Variants in ZNF638 observed in about 807,000 individuals in gnomAD.
The protein encoded by ZNF638 is CTCL tumor antigen se33-1.
ZNF638 carries 46 observed loss-of-function variants against 195.6 expected under a neutral mutation model. The observed-to-expected ratio is 0.24, with a 90% CI of 0.19 to 0.30. ZNF638 has a LOEUF of 0.30. Ranked by LOEUF, ZNF638 falls within the 10% of genes least tolerant of loss-of-function variation. ZNF638 has a pLI of 1.00. For synonymous variants in ZNF638, 845 were observed against 772.0 expected, an observed-to-expected ratio of 1.09 and a Z score of -1.57; for missense variants, 2,440 against 2,325.3, an observed-to-expected ratio of 1.05 and a Z score of -1.01.
Position 71,426,622 on chromosome 2 carries a change from A to C in ZNF638, c.4753A>C (p.Lys1585Gln), listed in dbSNP as rs201537411. The C allele has an allele frequency of 2.8e-5, 46 of 1,614,068 alleles. No individual in the cohort carries two copies. The Admixed American group carries it at 4.3e-4, about 15-fold the overall frequency. Reference protein sequence around the residue: ...SELNLKKKKGKTSTPRGVEGE... With the variant: ...SELNLKKKKGQTSTPRGVEGE... Reference sequence around the variant, plus strand: ...ACTTAACTTAAAGAAGAAAAAGGGGAAAACTTCCACTCCTCGTGGTGTTGA... The same window carrying C: ...ACTTAACTTAAAGAAGAAAAAGGGGCAAACTTCCACTCCTCGTGGTGTTGA... The change falls in exon 24 of 28, where the codon AAA becomes CAA. Residue 1585 changes from lysine (K) to glutamine (Q), a missense_variant. Physicochemically the swap from Lys to Gln is moderately conservative, Grantham distance 53. Coordinates refer to ENST00000264447, the MANE Select transcript of ZNF638 (RefSeq NM_014497.5).
intron 10 of ZNF638, among the ~76,000 whole-genome samples, chr2:71,394,734 A>G (rs2079858360): frequency 6.6e-6 from 1 of 152,188 alleles, no homozygotes; most frequent in African/African-American, 2.4e-5. Flanking sequence ...AGCCATAGTC[A>G]TCCTAGCAAC....
intron 8 of ZNF638, among the ~76,000 whole-genome samples, chr2:71,376,676 C>T (rs1573076150): frequency 6.6e-6 from 1 of 151,010 alleles, no homozygotes; most frequent in Admixed American, 6.6e-5. Context: ...AACATCTTCT[C>T]CATTTTGCTG....
rs1366930966 is a variant in ZNF638 at position 71,363,396 on chromosome 2, A to T, written c.1418+205A>T. Among the ~76,000 whole-genome samples, 3 of 152,080 alleles carry T rather than the reference A, an allele frequency of 2.0e-5. No individual in the cohort carries two copies. The East Asian group carries it at 5.8e-4, about 29-fold the overall frequency. On this transcript the variant is annotated intron_variant, in intron 4 of 27. Transcript: ENST00000264447. ...TCTACTTTCTTTAGCCTGTTCTGAA[A>T]ATACTTTATTCTGACATTATTATTT...
At chr2:71,337,747 A>G (rs1484453997) in intron 1 of ZNF638, among the ~76,000 whole-genome samples, 6 of 151,724 alleles carry the variant, frequency 4.0e-5, no homozygotes, top group Non-Finnish European at 4.4e-5. Context: ...GTTTTTGTCA[A>G]TTGACCCAAT....
intron 10 of ZNF638, chr2:71,395,785 C>T (rs1161284310): frequency 2.5e-6 from 1 of 397,582 alleles, no homozygotes. Flanking sequence ...TTTCATCCGT[C>T]GCTCAGCCTG....
At chr2:71,419,904 TGTATTC>T (rs1304546909) in intron 21 of ZNF638, among the ~76,000 whole-genome samples, 1 of 150,542 alleles carries the variant, frequency 6.6e-6, no homozygotes, top group Non-Finnish European at 1.5e-5. Context: ...AATTTATAGA[TGTATTC>T]AACCTCATAA....
At chr2:71,368,690 T>C (rs1486358999) in intron 7 of ZNF638, among the ~76,000 whole-genome samples, 162 bp downstream of exon 7, 1 of 152,208 alleles carries the variant, frequency 6.6e-6, no homozygotes. Context: ...AAAATAATGT[T>C]TTATATCCTT....
intron 10 of ZNF638, chr2:71,393,683 C>A (rs781740317): frequency 1.4e-6 from 1 of 710,180 alleles, no homozygotes; most frequent in South Asian, 1.5e-5. Flanking sequence ...TTTATGCTCT[C>A]GCTTCCCCTG....
Position 71,393,553 on chromosome 2 carries a change from C to T in ZNF638, c.2378-2588C>T, listed in dbSNP as rs576583288. The T allele has an allele frequency of 7.7e-5, 55 of 717,980 alleles. No homozygotes were observed. In the South Asian group the frequency reaches 7.7e-4, roughly 10 times the overall value. The allele number at this position is 717,980 out of a possible 1,614,324, so 44.5% of individuals were successfully genotyped here. A position where few individuals can be genotyped will look rare whatever the true frequency, so the allele number is the denominator to read the frequency against. Reference sequence around the variant, plus strand: ...AGCCCCGGACATTACCTGGGGGATGCTGAAGAAGACAACTTACAAGGCTGA... The same window carrying T: ...AGCCCCGGACATTACCTGGGGGATGTTGAAGAAGACAACTTACAAGGCTGA... On this transcript the variant is annotated intron_variant, in intron 10 of 27. Coordinates refer to ENST00000264447, the MANE Select transcript of ZNF638 (RefSeq NM_014497.5).
At chr2:71,408,329 G>A (rs2080146257) in intron 20 of ZNF638, 82 bp downstream of exon 20, 2 of 1,458,560 alleles carry the variant, frequency 1.4e-6, no homozygotes, top group South Asian at 1.4e-5. Context: ...TAGTCAAACT[G>A]TTTCTGTGTT....
chr2:71,406,078 T>C, intron 18 of ZNF638, 50 bp from the exon 19 acceptor site: 1 of 1,604,656 alleles, frequency 6.2e-7, no homozygotes, highest in Non-Finnish European at 8.5e-7. Flanking sequence ...GTTTTACCGT[T>C]TGTTGCTTCA....
chr2:71,385,823 A>G (rs1170699221), intron 10 of ZNF638, among the ~76,000 whole-genome samples: 1 of 152,212 alleles, frequency 6.6e-6, no homozygotes, highest in African/African-American at 2.4e-5. Flanking sequence ...TGAAAGTTAA[A>G]TATTTTTTAA....
intron 1 of ZNF638, among the ~76,000 whole-genome samples, chr2:71,340,474 C>T (rs77502779): frequency 0.014 from 2,154 of 152,196 alleles, 21 homozygotes; most frequent in Non-Finnish European, 0.024. Flanking sequence ...AACAATCAGC[C>T]TCTTCTATTA....
intron 4 of ZNF638, 41 bp from the exon 5 acceptor site, chr2:71,363,913 T>G: frequency 6.4e-7 from 1 of 1,565,484 alleles, no homozygotes; most frequent in East Asian, 2.2e-5. Flanking sequence ...AAATTTACAT[T>G]AAATTGCTGA....
At chr2:71,382,567 T>TA (rs1401313006) in intron 10 of ZNF638, among the ~76,000 whole-genome samples, 1 of 152,160 alleles carries the variant, frequency 6.6e-6, no homozygotes, top group Non-Finnish European at 1.5e-5. Flanking sequence ...TTCGAGCTCT[T>TA]ACCCAGTACT....
chr2:71,398,747 A>C lies in ZNF638; in HGVS notation c.2475A>C (p.Lys825Asn). 2 of 1,613,342 alleles carry C rather than the reference A, an allele frequency of 1.2e-6. No homozygotes were observed. Among genetic ancestry groups the C allele is most frequent in the Non-Finnish European group, 1.7e-6 (2 of 1,179,468 alleles). The change falls in exon 12 of 28, where the codon AAA becomes AAC. Residue 825 changes from lysine (K) to asparagine (N), a missense_variant. Physicochemically the swap from Lys to Asn is moderately conservative, Grantham distance 94. Transcript: ENST00000264447. ...SVKSVVTVAV[K>N]GNKASIKTAK... is the part of the protein sequence containing the mutation. ...AATCTGTGGTAACGGTAGCTGTTAA[A>C]GGTAATAAAGCTTCAATCAAAACAG... is the stretch of plus-strand genomic sequence containing the variant.
rs368985843 is a variant in ZNF638 at position 71,408,442 on chromosome 2, A to T, written c.3261+195A>T. ...AATGAGAATAAAGAAATTTTCAACA[A>T]TGTAACATATATGCATTTTTGAATA... On this transcript the variant is annotated intron_variant, in intron 20 of 27. Transcript: ENST00000264447. 4 of 608,006 alleles carry T rather than the reference A, an allele frequency of 6.6e-6. No homozygotes were observed. The East Asian group carries it at 1.3e-4, about 20-fold the overall frequency. The allele number at this position is 608,006 out of a possible 1,614,324, so 37.7% of individuals were successfully genotyped here.
At chr2:71,388,879 A>T (rs2079707980) in intron 10 of ZNF638, among the ~76,000 whole-genome samples, 1 of 152,216 alleles carries the variant, frequency 6.6e-6, no homozygotes, top group South Asian at 2.1e-4. Flanking sequence ...TCACAGGCTC[A>T]GTTAAGGGTC....
intron 3 of ZNF638, chr2:71,361,576 A>G (rs1232410440): frequency 6.6e-6 from 1 of 152,194 alleles, no homozygotes; most frequent in African/African-American, 2.4e-5. Context: ...AAAATTATCC[A>G]TATATTGGGA....
Sources: allele counts gnomAD v4.1 joint callset (sites outside exome capture counted in the v4.1 genomes callset), GRCh38; gene constraint gnomAD v4.1.1; transcripts MANE v1.5; gene names NCBI Gene and HGNC (gene_info 2026-07-23, HGNC 2026-07-21).